Variants in CEP83 observed in about 807,000 individuals in gnomAD.
CEP83 encodes centrosomal protein of 83 kDa.
Under a neutral mutation model 101.9 loss-of-function variants are expected in CEP83, and 70 were observed. The observed-to-expected ratio is 0.69, with a 90% CI of 0.57 to 0.84. The LOEUF (loss-of-function observed/expected upper bound fraction) is 0.84. Ranked by LOEUF, CEP83 falls within the 40% of genes least tolerant of loss-of-function variation. The pLI is 0.00. For missense variants in CEP83, 715 were observed against 787.2 expected (o/e 0.91, Z 1.10); for synonymous variants, 264 against 267.9 (o/e 0.99, Z 0.14).
At chr12:94,402,567 C>T (rs2063317433) in intron 5 of CEP83, among the ~76,000 whole-genome samples, 1 of 151,978 alleles carries the variant, frequency 6.6e-6, no homozygotes, top group East Asian at 1.9e-4. Context: ...TGAAGTTTGC[C>T]ACGACGTATC....
At chr12:94,417,795 C>T (rs1593884325) in intron 2 of CEP83, among the ~76,000 whole-genome samples, 1 of 139,754 alleles carries the variant, frequency 7.2e-6, no homozygotes, top group East Asian at 1.9e-4. Context: ...CTCAAAAATA[C>T]ATACATACAT....
chr12:94,410,114 C>G (rs2063787718), intron 4 of CEP83, among the ~76,000 whole-genome samples: 1 of 152,116 alleles, frequency 6.6e-6, no homozygotes, highest in South Asian at 2.1e-4. Flanking sequence ...AATATATGAA[C>G]AACAATCCCA....
chr12:94,382,044 T>C (rs1249569159), intron 6 of CEP83, among the ~76,000 whole-genome samples: 1 of 152,098 alleles, frequency 6.6e-6, no homozygotes, highest in Admixed American at 6.5e-5. Context: ...CTAACAGTAA[T>C]AGGTCTATAC....
At chr12:94,412,921 C>T (rs1002268129) in intron 2 of CEP83, among the ~76,000 whole-genome samples, 2 of 151,358 alleles carry the variant, frequency 1.3e-5, no homozygotes, top group Admixed American at 6.6e-5. Context: ...GGCGCTATCT[C>T]GACTCACTGC....
chr12:94,296,330 T>G, the CEP83 span, among the ~76,000 whole-genome samples: 1 of 152,182 alleles, frequency 6.6e-6, no homozygotes, highest in African/African-American at 2.4e-5. Flanking sequence ...TCAGATACTC[T>G]TTAAAATTTT....
the CEP83 span, among the ~76,000 whole-genome samples, chr12:94,288,553 C>T: frequency 1.1e-4 from 16 of 152,210 alleles, no homozygotes; most frequent in Non-Finnish European, 1.0e-4. Context: ...TTCCAGCATC[C>T]TGTAAGCCCT....
chr12:94,296,539 AT>A, the CEP83 span, among the ~76,000 whole-genome samples: 1 of 151,912 alleles, frequency 6.6e-6, no homozygotes, highest in African/African-American at 2.4e-5. Flanking sequence ...TTACAGCCAC[AT>A]TTCCTCACTC....
chr12:94,301,159 C>A, the CEP83 span: 2 of 937,572 alleles, frequency 2.1e-6, no homozygotes, highest in Non-Finnish European at 3.1e-6. Flanking sequence ...CTAAACTACA[C>A]CAGCTAAAAA....
chr12:94,372,374 T>G (rs2061345973), intron 8 of CEP83, among the ~76,000 whole-genome samples: 1 of 152,258 alleles, frequency 6.6e-6, no homozygotes, highest in Non-Finnish European at 1.5e-5. Context: ...ATACTTAAAC[T>G]TTCTGTAGAT....
At chr12:94,455,243 A>G (rs760805986) in intron 1 of CEP83, among the ~76,000 whole-genome samples, 1 of 152,222 alleles carries the variant, frequency 6.6e-6, no homozygotes, top group Non-Finnish European at 1.5e-5. Context: ...AAGTTTAACA[A>G]TATCTGAAAT....
At chr12:94,327,223 A>T (rs1467771351) in intron 14 of CEP83, among the ~76,000 whole-genome samples, 1 of 152,224 alleles carries the variant, frequency 6.6e-6, no homozygotes, top group Non-Finnish European at 1.5e-5. Flanking sequence ...CAATTAAAAC[A>T]ATATAGATAT....
the CEP83 span, among the ~76,000 whole-genome samples, chr12:94,292,679 C>T: frequency 6.6e-6 from 1 of 152,196 alleles, no homozygotes. Context: ...GTTTCATATA[C>T]ACCTTGTACA....
intron 8 of CEP83, among the ~76,000 whole-genome samples, chr12:94,373,531 A>G (rs1338732575): frequency 6.6e-6 from 1 of 152,220 alleles, no homozygotes; most frequent in African/African-American, 2.4e-5. Flanking sequence ...TCTGAGATGT[A>G]ATTACCCAAT....
intron 1 of CEP83, among the ~76,000 whole-genome samples, chr12:94,446,247 C>T (rs1212243845): frequency 1.3e-5 from 2 of 152,084 alleles, no homozygotes; most frequent in Non-Finnish European, 2.9e-5. Flanking sequence ...TTTATTTCAA[C>T]GTTTAATGTT....
chr12:94,301,719 A>G (rs574935875), downstream of CEP83, among the ~76,000 whole-genome samples: 40 of 150,366 alleles, frequency 2.7e-4, no homozygotes, highest in African/African-American at 9.8e-4. Context: ...ACCTGGAATG[A>G]ATGGAGACTG....
intron 9 of CEP83, 59 bp from the exon 10 acceptor site, chr12:94,368,260 C>A: frequency 7.6e-7 from 1 of 1,312,822 alleles, no homozygotes; most frequent in Non-Finnish European, 1.1e-6. Flanking sequence ...TGAAAAATCA[C>A]ATTTAACAGC....
intron 2 of CEP83, among the ~76,000 whole-genome samples, chr12:94,417,885 C>G (rs1379654417): frequency 6.6e-6 from 1 of 152,030 alleles, no homozygotes; most frequent in Non-Finnish European, 1.5e-5. Flanking sequence ...AAAAAGATAA[C>G]AAGCCAACAC....
intron 14 of CEP83, among the ~76,000 whole-genome samples, chr12:94,324,152 A>C (rs933357833): frequency 6.6e-6 from 1 of 152,178 alleles, no homozygotes; most frequent in African/African-American, 2.4e-5. Flanking sequence ...TAATCTCATA[A>C]GTGGAGATGT....
At chr12:94,446,198 GT>G (rs888815666) in intron 1 of CEP83, among the ~76,000 whole-genome samples, 3 of 151,848 alleles carry the variant, frequency 2.0e-5, no homozygotes, top group South Asian at 4.2e-4. Context: ...TATCTTACTT[GT>G]TTTTTTTACT....
Sources: allele counts gnomAD v4.1 joint callset (sites outside exome capture counted in the v4.1 genomes callset), GRCh38; gene constraint gnomAD v4.1.1; transcripts MANE v1.5; gene names NCBI Gene and HGNC (gene_info 2026-07-23, HGNC 2026-07-21).